The following EYA4 variants were observed in gnomAD, a reference collection of about 807,000 sequenced individuals.
The protein encoded by EYA4 is protein phosphatase EYA4.
In EYA4, 31 loss-of-function variants were observed where a neutral mutation model predicts 87.9. The ratio of observed to expected loss-of-function variants is 0.35; its 90% CI spans 0.27 to 0.48. The LOEUF (loss-of-function observed/expected upper bound fraction) is 0.48, where lower values mean the gene tolerates loss of function less well. EYA4 is among the 20% of genes least tolerant of loss of function. The pLI is 0.99. For missense variants in EYA4, 678 were observed against 761.4 expected (o/e 0.89, Z 1.29); for synonymous variants, 263 against 270.6 (o/e 0.97, Z 0.28).
chr6:133,354,333 T>C (rs1783855741), intron 2 of EYA4, among the ~76,000 whole-genome samples: 4 of 148,876 alleles, frequency 2.7e-5, no homozygotes, highest in African/African-American at 1.0e-4. Flanking sequence ...TAGTTACTGT[T>C]ATTATTATTA....
At chr6:133,449,108 A>G (rs1279988843) in intron 5 of EYA4, among the ~76,000 whole-genome samples, 1 of 152,260 alleles carries the variant, frequency 6.6e-6, no homozygotes, top group Non-Finnish European at 1.5e-5. Flanking sequence ...GCTAGAATTT[A>G]GATACTCTTA....
chr6:133,289,869 T>C (rs1778346437), intron 2 of EYA4, among the ~76,000 whole-genome samples: 1 of 152,212 alleles, frequency 6.6e-6, no homozygotes, highest in Non-Finnish European at 1.5e-5. Flanking sequence ...GTGTTAGCTC[T>C]CTTGGCAAGA....
chr6:133,291,001 A>G (rs892517479), intron 2 of EYA4, among the ~76,000 whole-genome samples: 3 of 151,884 alleles, frequency 2.0e-5, no homozygotes, highest in Admixed American at 6.6e-5. Context: ...AGGGTCATCT[A>G]AAAAAACTCA....
chr6:133,447,401 G>A (rs573912107), intron 4 of EYA4, among the ~76,000 whole-genome samples: 1 of 152,004 alleles, frequency 6.6e-6, no homozygotes. Flanking sequence ...TATTCAACTT[G>A]TCAGAAAATA....
intron 2 of EYA4, among the ~76,000 whole-genome samples, chr6:133,324,672 T>C (rs375188849): frequency 4.6e-5 from 7 of 152,114 alleles, no homozygotes; most frequent in African/African-American, 1.7e-4. Flanking sequence ...TACCAGGTTG[T>C]TTCTCTGATC....
intron 2 of EYA4, among the ~76,000 whole-genome samples, chr6:133,377,564 G>GTTTTTTTTTTTTTTTT (rs145391738): frequency 8.6e-6 from 1 of 116,324 alleles, no homozygotes; most frequent in African/African-American, 3.1e-5. Context: ...TTTCACATTA[G>GTTTTTTTTTTTTTTTT]TTTTTTTTTT....
At chr6:133,340,502 G>T (rs1782701268) in intron 2 of EYA4, among the ~76,000 whole-genome samples, 1 of 152,152 alleles carries the variant, frequency 6.6e-6, no homozygotes, top group Non-Finnish European at 1.5e-5. Flanking sequence ...ATTAAATTAG[G>T]GTAGGTGAGC....
At chr6:133,404,076 A>C (rs1010375684) in intron 3 of EYA4, among the ~76,000 whole-genome samples, 1 of 152,124 alleles carries the variant, frequency 6.6e-6, no homozygotes, top group African/African-American at 2.4e-5. Flanking sequence ...AGCCTCCCAA[A>C]GTGCTAAGAT....
chr6:133,327,962 G>T (rs1285442560), intron 2 of EYA4, among the ~76,000 whole-genome samples: 2 of 152,160 alleles, frequency 1.3e-5, no homozygotes, highest in Non-Finnish European at 2.9e-5. Flanking sequence ...GGGCCAAGTT[G>T]ATAAACTTTT....
rs569586085 is a variant in EYA4 at position 133,334,817 on chromosome 6, A to G, written c.34-47575A>G. On this transcript the variant is annotated intron_variant, in intron 2 of 19. Transcript: ENST00000355286. ...AGTATTAGTATAAATATTAGAAATAATACCTATATAAAGAATATTTTATGA... is the reference window on the plus strand; with the variant it reads ...AGTATTAGTATAAATATTAGAAATAGTACCTATATAAAGAATATTTTATGA... Among the ~76,000 whole-genome samples the G allele has an allele frequency of 6.9e-4, 105 of 152,326 alleles. 1 individual carries two copies. The highest frequency in any genetic ancestry group is 6.8e-3 in the Middle Eastern group (2 of 294).
chr6:133,495,720 G>A (rs1797597953), intron 13 of EYA4, among the ~76,000 whole-genome samples: 1 of 152,152 alleles, frequency 6.6e-6, no homozygotes, highest in African/African-American at 2.4e-5. Flanking sequence ...TGAAACTTGA[G>A]TGTGTGTCAC....
At chr6:133,486,226 C>T (rs557538591) in intron 13 of EYA4, among the ~76,000 whole-genome samples, 1 of 152,158 alleles carries the variant, frequency 6.6e-6, no homozygotes, top group South Asian at 2.1e-4. Flanking sequence ...ATATATTTCT[C>T]TAAAAGTTGT....
intron 2 of EYA4, among the ~76,000 whole-genome samples, chr6:133,326,094 G>A (rs926921298): frequency 6.6e-6 from 1 of 152,218 alleles, no homozygotes; most frequent in South Asian, 2.1e-4. Context: ...GAAGATGTGT[G>A]TCACCTCTGC....
At position 133,450,573 on chromosome 6, in the gene EYA4, G is replaced by A. The variant is rs147912249; in HGVS notation, c.277+2394G>A. Among the ~76,000 whole-genome samples the A allele has an allele frequency of 5.9e-5, 9 of 152,086 alleles. No individual in the cohort carries two copies. The East Asian group carries it at 1.6e-3, about 26-fold the overall frequency. On this transcript the variant is annotated intron_variant, in intron 5 of 19. Transcript: ENST00000355286. ...GGCTGGAGTGCAGTGGTGCCATCTC[G>A]GCTCACCGCAACTTCCACCTCCCAG...
chr6:133,343,567 AC>A (rs1201039657), intron 2 of EYA4, among the ~76,000 whole-genome samples: 29 of 95,684 alleles, frequency 3.0e-4, no homozygotes, highest in African/African-American at 6.7e-4. Context: ...CCCCGCCACC[AC>A]CCCCCCCACC....
chr6:133,443,241 A>G (rs2128615251), intron 3 of EYA4, among the ~76,000 whole-genome samples: 1 of 152,090 alleles, frequency 6.6e-6, no homozygotes, highest in South Asian at 2.1e-4. Context: ...AAAGTTTGCT[A>G]GTGTTTATTA....
At chr6:133,383,213 T>G (rs933249587) in intron 3 of EYA4, among the ~76,000 whole-genome samples, 2 of 152,246 alleles carry the variant, frequency 1.3e-5, no homozygotes, top group African/African-American at 4.8e-5. Context: ...CCGCATATAG[T>G]GCATGTAGTG....
intron 13 of EYA4, among the ~76,000 whole-genome samples, chr6:133,492,589 C>T (rs1281545413): frequency 2.0e-5 from 3 of 152,112 alleles, no homozygotes. Context: ...CAGCATAGTA[C>T]TGGAAGTCCT....
intron 1 of EYA4, among the ~76,000 whole-genome samples, chr6:133,250,584 G>C (rs556110735): frequency 2.6e-5 from 4 of 152,298 alleles, no homozygotes; most frequent in Non-Finnish European, 4.4e-5. Flanking sequence ...AGAGGTTGCA[G>C]TGAGCTGAGA....
Sources: gnomAD v4.1 joint callset for allele counts (sites outside exome capture counted in the v4.1 genomes callset) on GRCh38, gnomAD v4.1.1 for gene constraint, MANE v1.5 for transcripts, NCBI Gene and HGNC (gene_info 2026-07-23, HGNC 2026-07-21) for gene names.